Variants in PFKFB3 observed in about 807,000 individuals in gnomAD.
The protein encoded by PFKFB3 is 6-phosphofructo-2-kinase/fructose-2,6-biphosphatase 3, also known as 6-phosphofructo-2-kinase/fructose-2,6-bisphosphatase 3.
PFKFB3 carries 33 observed loss-of-function variants against 68.0 expected under a neutral mutation model. That is an observed-to-expected ratio of 0.49 (90% CI 0.37 to 0.65). The LOEUF is 0.65. Among genes scored for constraint, PFKFB3 ranks in the 30% least tolerant of loss-of-function variants. The pLI is 0.00. For missense variants in PFKFB3, 586 were observed against 712.2 expected (o/e 0.82, Z 2.02); for synonymous variants, 315 against 288.2 (o/e 1.09, Z -0.94).
rs1284009540 is a variant in PFKFB3 at position 6,226,112 on chromosome 10, A to G, written c.1342-80A>G. 7.7e-6 allele frequency: 10 copies of G among 1,291,132 alleles called. No homozygotes were observed. The South Asian group carries it at 1.1e-4, about 15-fold the overall frequency. The allele number at this position is 1,291,132 out of a possible 1,614,324, so 80.0% of individuals were successfully genotyped here. A position where few individuals can be genotyped will look rare whatever the true frequency, so the allele number is the denominator to read the frequency against. On this transcript the variant is annotated intron_variant, in intron 13 of 14. Coordinates refer to ENST00000379775, the MANE Select transcript of PFKFB3 (RefSeq NM_004566.4). ...TTTTGCCTCTCTAAAATCCAGGAGC[A>G]GAGAAACTTTTTTGGGGCTAATTTT... is the stretch of plus-strand genomic sequence containing the variant.
At chr10:6,217,694 G>A (rs2516626) in intron 6 of PFKFB3, among the ~76,000 whole-genome samples, 46,037 of 152,094 alleles carry the variant, frequency 0.3, 7,590 homozygotes, top group African/African-American at 0.44. Flanking sequence ...TCCTGTCTGT[G>A]CTGTGCAGGG....
At chr10:6,157,873 C>T (rs1029898676) in intron 1 of PFKFB3, among the ~76,000 whole-genome samples, 1 of 151,970 alleles carries the variant, frequency 6.6e-6, no homozygotes. Context: ...AATCCCAATC[C>T]ACGTTATGGA....
the PFKFB3 span, among the ~76,000 whole-genome samples, chr10:6,309,105 A>G: frequency 6.6e-6 from 1 of 152,198 alleles, no homozygotes; most frequent in Non-Finnish European, 1.5e-5. Context: ...CCCCAATTAC[A>G]ATGTGAGAAA....
intron 13 of PFKFB3, chr10:6,225,168 A>G: frequency 2.2e-6 from 1 of 456,322 alleles, no homozygotes; most frequent in South Asian, 1.5e-5. Flanking sequence ...CAGGCTGCCA[A>G]AAGTACAACA....
At chr10:6,169,242 T>G (rs1329026219) in intron 1 of PFKFB3, among the ~76,000 whole-genome samples, 1 of 152,152 alleles carries the variant, frequency 6.6e-6, no homozygotes, top group Non-Finnish European at 1.5e-5. Context: ...GCGCCCAGTC[T>G]TCTTATATTT....
chr10:6,265,422 T>C, the PFKFB3 span, among the ~76,000 whole-genome samples: 1 of 152,166 alleles, frequency 6.6e-6, no homozygotes, highest in Admixed American at 6.5e-5. Context: ...TTTCATGATA[T>C]TGACAATTTT....
At chr10:6,170,003 A>C (rs749042994) in intron 1 of PFKFB3, among the ~76,000 whole-genome samples, 2 of 152,082 alleles carry the variant, frequency 1.3e-5, no homozygotes, top group African/African-American at 2.4e-5. Flanking sequence ...AGTTCCCTTA[A>C]ATTAGTCACA....
At chr10:6,241,033 T>C (rs965183142) in intron 14 of PFKFB3, among the ~76,000 whole-genome samples, 2 of 152,074 alleles carry the variant, frequency 1.3e-5, no homozygotes, top group African/African-American at 4.8e-5. Flanking sequence ...GCCTCCCAAG[T>C]AGCTGGGATT....
chr10:6,294,081 T>A, the PFKFB3 span: 1 of 499,920 alleles, frequency 2.0e-6, no homozygotes, highest in African/African-American at 2.0e-5. Flanking sequence ...TGCTACCAAC[T>A]GGCCCTGAAT....
At chr10:6,269,749 T>G in the PFKFB3 span, among the ~76,000 whole-genome samples, 1 of 152,188 alleles carries the variant, frequency 6.6e-6, no homozygotes, top group Non-Finnish European at 1.5e-5. Flanking sequence ...ATTTTGTACC[T>G]GGACAACTTC....
chr10:6,270,141 A>G, the PFKFB3 span, among the ~76,000 whole-genome samples: 2 of 152,116 alleles, frequency 1.3e-5, no homozygotes, highest in Non-Finnish European at 2.9e-5. Flanking sequence ...CTCAAAAACA[A>G]ACAAACAAAA....
At chr10:6,230,546 G>A (rs1475150250) in intron 14 of PFKFB3, among the ~76,000 whole-genome samples, 1 of 152,116 alleles carries the variant, frequency 6.6e-6, no homozygotes, top group Non-Finnish European at 1.5e-5. Context: ...GGCTGCTGTT[G>A]TTATCAGGGA....
At chr10:6,155,405 C>T (rs1179745215) in intron 1 of PFKFB3, among the ~76,000 whole-genome samples, 5 of 151,950 alleles carry the variant, frequency 3.3e-5, no homozygotes, top group South Asian at 2.1e-4. Flanking sequence ...GGGGTTTCAC[C>T]ATGTTAGCCA....
the PFKFB3 span, among the ~76,000 whole-genome samples, chr10:6,307,876 C>T: frequency 6.6e-6 from 1 of 152,136 alleles, no homozygotes; most frequent in African/African-American, 2.4e-5. Context: ...GGCTCTGTCT[C>T]ATGAATGGAT....
intron 14 of PFKFB3, among the ~76,000 whole-genome samples, chr10:6,243,372 G>T (rs1456214143): frequency 1.3e-5 from 2 of 152,192 alleles, no homozygotes. Flanking sequence ...ATCCCAGAAG[G>T]CATCATGGAT....
At chr10:6,286,673 C>A in the PFKFB3 span, among the ~76,000 whole-genome samples, 2 of 152,206 alleles carry the variant, frequency 1.3e-5, no homozygotes, top group Non-Finnish European at 2.9e-5. Context: ...CCACTGTGCC[C>A]AGCCAGTCTT....
the PFKFB3 span, among the ~76,000 whole-genome samples, chr10:6,276,180 G>C: frequency 6.6e-6 from 1 of 152,126 alleles, no homozygotes; most frequent in South Asian, 2.1e-4. Flanking sequence ...TATTTTGTGG[G>C]ATTTTGGCCT....
chr10:6,310,141 T>C, the PFKFB3 span, among the ~76,000 whole-genome samples: 2 of 152,150 alleles, frequency 1.3e-5, no homozygotes, highest in African/African-American at 4.8e-5. Flanking sequence ...GAGCAGGTTC[T>C]TGGCCGGTGT....
chr10:6,167,494 C>T lies in PFKFB3; in HGVS notation c.16+22481C>T, dbSNP rs1457184683. On this transcript the variant is annotated intron_variant, in intron 1 of 14. Transcript: ENST00000379789. ...GTTTCTGCCACATTTATTAAATTGT[C>T]ACATTTTAACACATTTTAAGCCATT... 2.6e-5 allele frequency among the ~76,000 whole-genome samples: 4 copies of T among 152,220 alleles called. No individual in the cohort carries two copies. The East Asian group carries it at 7.7e-4, about 29-fold the overall frequency.
Sources: allele counts gnomAD v4.1 joint callset (sites outside exome capture counted in the v4.1 genomes callset), GRCh38; gene constraint gnomAD v4.1.1; transcripts MANE v1.5; gene names NCBI Gene and HGNC (gene_info 2026-07-23, HGNC 2026-07-21).